The following AGPAT4 variants were observed in gnomAD, a reference collection of about 807,000 sequenced individuals.
AGPAT4 encodes the protein 1-acyl-sn-glycerol-3-phosphate acyltransferase delta.
In AGPAT4, 15 loss-of-function variants were observed where a neutral mutation model predicts 48.0. That is an observed-to-expected ratio of 0.31 (90% CI 0.21 to 0.48). AGPAT4 has a LOEUF of 0.48. Among genes scored for constraint, AGPAT4 ranks in the 20% least tolerant of loss-of-function variants. AGPAT4 has a pLI of 0.99. For synonymous variants in AGPAT4, 178 were observed against 198.7 expected (o/e 0.90, Z 0.88); for missense variants, 314 against 482.5 (o/e 0.65, Z 3.27).
chr6:161,211,271 T>C (rs1781515160), intron 2 of AGPAT4, among the ~76,000 whole-genome samples: 1 of 152,166 alleles, frequency 6.6e-6, no homozygotes, highest in African/African-American at 2.4e-5. Context: ...AAATAATAGA[T>C]ATTTCATTAT....
Position 161,148,927 on chromosome 6 carries a change from A to G in AGPAT4, c.767+260T>C, listed in dbSNP as rs1348477973. 6.6e-6 allele frequency among the ~76,000 whole-genome samples: 1 copy of G among 152,236 alleles called. No homozygotes were observed. The highest frequency in any genetic ancestry group is 1.5e-5 in the Non-Finnish European group (1 of 68,034). ...TCTTCACACCAACACCAAAATAATT[A>G]TAAAATACAGCCTTCCATTTGTTCA... On this transcript the variant is annotated intron_variant, in intron 6 of 8. Transcript: ENST00000320285. The surrounding 1 kb of genome is among the most constrained non-coding windows in gnomAD (Gnocchi z 5.5).
rs1247224020 is a variant in AGPAT4 at position 161,235,020 on chromosome 6, A to G, written c.-89-2718T>C. 6.6e-6 allele frequency among the ~76,000 whole-genome samples: 1 copy of G among 151,932 alleles called. No homozygotes were observed. Among genetic ancestry groups the G allele is most frequent in the East Asian group, 1.9e-4 (1 of 5,170 alleles). ...GCAGATGAGCCTAAAGAGAAATCAG[A>G]CAAGGCTTGGTTTGTTTTGGGTCTT... is the stretch of plus-strand genomic sequence containing the variant. On this transcript the variant is annotated intron_variant, in intron 1 of 8. Coordinates refer to ENST00000320285, the MANE Select transcript of AGPAT4 (RefSeq NM_020133.3). The surrounding 1 kb of genome is among the most constrained non-coding windows in gnomAD (Gnocchi z 6.2).
chr6:161,172,844 C>T (rs1780310976), intron 2 of AGPAT4, among the ~76,000 whole-genome samples: 1 of 150,118 alleles, frequency 6.7e-6, no homozygotes, highest in Non-Finnish European at 1.5e-5. Flanking sequence ...CTTCCTGTGT[C>T]CAAGTGTTCT....
chr6:161,261,358 T>C lies in AGPAT4; in HGVS notation c.-90+12580A>G, dbSNP rs1783095175. Among the ~76,000 whole-genome samples the C allele has an allele frequency of 1.3e-5, 2 of 152,248 alleles. No individual in the cohort carries two copies. The highest frequency in any genetic ancestry group is 4.8e-5 in the African/African-American group (2 of 41,464). ...TGCTATTTCCCTTCGTGTGTATATC[T>C]GCCATCCCACGAAGCAGGCTTCCTC... On this transcript the variant is annotated intron_variant, in intron 1 of 8. Transcript: ENST00000320285. The surrounding 1 kb of genome is among the most constrained non-coding windows in gnomAD (Gnocchi z 5.3).
In AGPAT4 at chr6:161,208,244, T is replaced by G. The variant is rs1391089642; in HGVS notation, c.178+23792A>C. ...GAACGTTAGCTACCAAGACAAGCAC[T>G]GTTACTAAAAGTAAGCTACTCAGTA... On this transcript the variant is annotated intron_variant, in intron 2 of 8. Transcript: ENST00000320285. The surrounding 1 kb of genome is among the most constrained non-coding windows in gnomAD (Gnocchi z 4.6). Among the ~76,000 whole-genome samples, 1 of 152,176 alleles carries G rather than the reference T, an allele frequency of 6.6e-6. No homozygotes were observed. Among genetic ancestry groups the G allele is most frequent in the African/African-American group, 2.4e-5 (1 of 41,440 alleles).
Position 161,142,992 on chromosome 6 carries a change from G to A in AGPAT4, c.844-3372C>T, listed in dbSNP as rs961838217. Among the ~76,000 whole-genome samples, 2 of 152,200 alleles carry A rather than the reference G, an allele frequency of 1.3e-5. No individual in the cohort carries two copies. Among genetic ancestry groups the A allele is most frequent in the Admixed American group, 1.3e-4 (2 of 15,286 alleles). On this transcript the variant is annotated intron_variant, in intron 7 of 8. Transcript: ENST00000320285. The surrounding 1 kb of genome is among the most constrained non-coding windows in gnomAD (Gnocchi z 6.4). ...CACAGTGTTTCCCACGGGCCACCAT[G>A]CCTGCACCCTGAACTCTGCACCCCA...
Position 161,184,534 on chromosome 6 carries a change from T to G in AGPAT4, c.179-18117A>C, listed in dbSNP as rs2114995648. Among the ~76,000 whole-genome samples, 1 of 152,154 alleles carries G rather than the reference T, an allele frequency of 6.6e-6. No homozygotes were observed. Among genetic ancestry groups the G allele is most frequent in the African/African-American group, 2.4e-5 (1 of 41,506 alleles). On this transcript the variant is annotated intron_variant, in intron 2 of 8. Coordinates refer to ENST00000320285, the MANE Select transcript of AGPAT4 (RefSeq NM_020133.3). The surrounding 1 kb of genome is among the most constrained non-coding windows in gnomAD (Gnocchi z 4.8). ...TTAGTGGTAGGTTCTCGTGATGTTC[T>G]GTGTAGCCCTGGCCTCCCCTGGCCC... is the stretch of plus-strand genomic sequence containing the variant.
In AGPAT4 at chr6:161,245,245, A is replaced by G. The variant is rs3757026; in HGVS notation, c.-89-12943T>C. Among the ~76,000 whole-genome samples the G allele has an allele frequency of 0.39, 59,231 of 152,128 alleles. 13,210 individuals are homozygous for G. The highest frequency in any genetic ancestry group is 0.61 in the African/African-American group (25,139 of 41,510). On this transcript the variant is annotated intron_variant, in intron 1 of 8. Transcript: ENST00000320285. This position sits in a 1 kb window ranked among gnomAD's most constrained non-coding sequence, Gnocchi z 5.2. ...TCCCTTTGGTCACGTCACCTCTGCC[A>G]TGCTCAGCTTCCTCCTTTGTCAACA...
rs993496946 is a variant in AGPAT4, at chr6:161,130,766, C to T, written c.*5774G>A. ...AGTTGTAGCCTTGGCACAGCTGAGG[C>T]CATGCCATTGCTACCCGGAAGCTGG... On this transcript the variant is annotated 3_prime_UTR_variant, in exon 9 of 9. Transcript: ENST00000320285. 16 of 496,142 alleles carry T rather than the reference C, an allele frequency of 3.2e-5. No homozygotes were observed. The highest frequency in any genetic ancestry group is 3.1e-4 in the African/African-American group (16 of 51,686). 30.7% of individuals were successfully genotyped at this position (496,142 alleles called of 1,614,324 possible).
rs959078608 is a variant in AGPAT4 at position 161,133,975 on chromosome 6, A to G, written c.*2565T>C. 2.6e-5 allele frequency: 4 copies of G among 152,182 alleles called. No individual in the cohort carries two copies. Among genetic ancestry groups the G allele is most frequent in the African/African-American group, 9.7e-5 (4 of 41,414 alleles). 9.4% of individuals were successfully genotyped at this position (152,182 alleles called of 1,614,324 possible). On this transcript the variant is annotated 3_prime_UTR_variant, in exon 9 of 9. Transcript: ENST00000320285. Reference sequence around the variant, plus strand: ...ATGGTGACCTCCGTGTGACCTGAACATGGGTGAAGGTATTTGAGGAGGCGT... The same window carrying G: ...ATGGTGACCTCCGTGTGACCTGAACGTGGGTGAAGGTATTTGAGGAGGCGT...
intron 2 of AGPAT4, among the ~76,000 whole-genome samples, chr6:161,182,615 C>T (rs1780634522): frequency 6.6e-6 from 1 of 152,232 alleles, no homozygotes; most frequent in South Asian, 2.1e-4. Context: ...ACCAGCTCAG[C>T]CTGGAGTGCT....
Position 161,223,721 on chromosome 6 carries a change from C to T in AGPAT4, c.178+8315G>A, listed in dbSNP as rs1258859098. Among the ~76,000 whole-genome samples, 1 of 152,176 alleles carries T rather than the reference C, an allele frequency of 6.6e-6. No individual in the cohort carries two copies. The highest frequency in any genetic ancestry group is 1.5e-5 in the Non-Finnish European group (1 of 68,038). ...TCACTTACTACACTGACCAGTTGGA[C>T]ACATGGCCTCACCTCCAGAGCTTGG... On this transcript the variant is annotated intron_variant, in intron 2 of 8. Transcript: ENST00000320285. The surrounding 1 kb of genome is among the most constrained non-coding windows in gnomAD (Gnocchi z 6.3).
At chr6:161,181,627 G>A (rs763170035) in intron 2 of AGPAT4, among the ~76,000 whole-genome samples, 1 of 152,158 alleles carries the variant, frequency 6.6e-6, no homozygotes, top group Admixed American at 6.5e-5. Context: ...GCCCAGGCTG[G>A]AGTGCAGTGG....
chr6:161,260,670 A>C (rs1301596958), intron 1 of AGPAT4, among the ~76,000 whole-genome samples: 5 of 150,620 alleles, frequency 3.3e-5, no homozygotes, highest in Admixed American at 6.6e-5. Context: ...AAAAAAAAAA[A>C]AAAAAAAAAA....
rs1203432991 is a variant in AGPAT4, at chr6:161,198,033, C to T, written c.179-31616G>A. Among the ~76,000 whole-genome samples, 2 of 152,196 alleles carry T rather than the reference C, an allele frequency of 1.3e-5. No individual in the cohort carries two copies. The highest frequency in any genetic ancestry group is 2.9e-5 in the Non-Finnish European group (2 of 68,032). On this transcript the variant is annotated intron_variant, in intron 2 of 8. Transcript: ENST00000320285. The surrounding 1 kb of genome is among the most constrained non-coding windows in gnomAD (Gnocchi z 4.3). ...TTCCCCCAACTCTTCTTCAGTCTCT[C>T]ATACTTCATTCTTCCCACTCTTCTT...
chr6:161,136,908 G>C (rs140770870), intron 8 of AGPAT4, among the ~76,000 whole-genome samples: 1 of 152,216 alleles, frequency 6.6e-6, no homozygotes, highest in South Asian at 2.1e-4. Flanking sequence ...ACAGCCGTTC[G>C]CAGGGACTCA....
rs1263955733 is a variant in AGPAT4, at chr6:161,165,620, T to A, written c.348+628A>T. 7.7e-7 allele frequency: 1 copy of A among 1,302,184 alleles called. No homozygotes were observed. The highest frequency in any genetic ancestry group is 2.3e-5 in the Admixed American group (1 of 43,116). The allele number at this position is 1,302,184 out of a possible 1,614,324, so 80.7% of individuals were successfully genotyped here. A position where few individuals can be genotyped will look rare whatever the true frequency, so the allele number is the denominator to read the frequency against. ...TCTGATTCAGCTATGTGACACAGGCTCAACCGCTACACGCTGCAGTGTGTT... is the reference window on the plus strand; with the variant it reads ...TCTGATTCAGCTATGTGACACAGGCACAACCGCTACACGCTGCAGTGTGTT... On this transcript the variant is annotated intron_variant, in intron 3 of 8. Transcript: ENST00000320285. The surrounding 1 kb of genome is among the most constrained non-coding windows in gnomAD (Gnocchi z 5.5).
chr6:161,135,824 ACT>A lies in AGPAT4; in HGVS notation c.*714_*715del, dbSNP rs1336890166. On this transcript the variant is annotated 3_prime_UTR_variant, in exon 9 of 9. Transcript: ENST00000320285. ...GACTGCACTGCAGAGACCGAGCGAA[ACT>A]CTCCCTTGCTGTGTGCCAGGGACAC... 2 of 152,094 alleles carry A rather than the reference ACT, an allele frequency of 1.3e-5. No homozygotes were observed. The highest frequency in any genetic ancestry group is 2.4e-5 in the African/African-American group (1 of 41,382). 9.4% of individuals were successfully genotyped at this position (152,094 alleles called of 1,614,324 possible).
rs1328261689 is a variant in AGPAT4 at position 161,219,389 on chromosome 6, T to C, written c.178+12647A>G. ...TAGAATATGATGGCATGATACGAGA[T>C]GAGATAAAAGGAACATAAATAGAAG... On this transcript the variant is annotated intron_variant, in intron 2 of 8. Transcript: ENST00000320285. This position sits in a 1 kb window ranked among gnomAD's most constrained non-coding sequence, Gnocchi z 4.9. 1.3e-5 allele frequency among the ~76,000 whole-genome samples: 2 copies of C among 151,704 alleles called. No homozygotes were observed. Among genetic ancestry groups the C allele is most frequent in the Admixed American group, 6.6e-5 (1 of 15,188 alleles).
Sources: gnomAD v4.1 joint callset for allele counts (sites outside exome capture counted in the v4.1 genomes callset) on GRCh38, gnomAD v4.1.1 for gene constraint, Gnocchi (gnomAD v3.1) non-coding constraint, MANE v1.5 for transcripts, NCBI Gene and HGNC (gene_info 2026-07-23, HGNC 2026-07-21) for gene names.